MARCHF1: variants seen among roughly 807,000 people sequenced by gnomAD.
MARCHF1 encodes membrane associated ring-CH-type finger 1.
MARCHF1 carries 40 observed loss-of-function variants against 54.2 expected under a neutral mutation model. The ratio of observed to expected loss-of-function variants is 0.74; its 90% CI spans 0.57 to 0.96. MARCHF1 has a LOEUF of 0.96. Among genes scored for constraint, MARCHF1 ranks in the 40% least tolerant of loss-of-function variants. The pLI, the probability that MARCHF1 is intolerant of heterozygous loss-of-function variation, is 0.00. For missense variants in MARCHF1, 586 were observed against 656.5 expected, an observed-to-expected ratio of 0.89 and a Z score of 1.17; for synonymous variants, 236 against 236.3, an observed-to-expected ratio of 1.00 and a Z score of 0.01.
intron 3 of MARCHF1, among the ~76,000 whole-genome samples, chr4:163,857,287 T>C (rs1749795329): frequency 6.6e-6 from 1 of 152,084 alleles, no homozygotes; most frequent in African/African-American, 2.4e-5. Flanking sequence ...CTAAAAATAG[T>C]TGAGATGAGT....
At chr4:164,371,601 A>C (rs1037194656) in intron 1 of MARCHF1, among the ~76,000 whole-genome samples, 1 of 152,224 alleles carries the variant, frequency 6.6e-6, no homozygotes, top group Non-Finnish European at 1.5e-5. Flanking sequence ...AATCTGCAAA[A>C]GAGAAGACTT....
intron 1 of MARCHF1, among the ~76,000 whole-genome samples, chr4:164,237,018 T>A (rs1280707041): frequency 6.6e-6 from 1 of 152,168 alleles, no homozygotes; most frequent in Non-Finnish European, 1.5e-5. Flanking sequence ...TATCTATCAT[T>A]TGGTTCTTCA....
chr4:163,853,005 G>A (rs535514550), intron 4 of MARCHF1, among the ~76,000 whole-genome samples: 3 of 152,062 alleles, frequency 2.0e-5, no homozygotes, highest in Non-Finnish European at 4.4e-5. Flanking sequence ...CACCATCTAT[G>A]AATCAGAAAA....
chr4:164,035,105 TAATA>T (rs1230717101), intron 2 of MARCHF1, among the ~76,000 whole-genome samples: 1 of 152,162 alleles, frequency 6.6e-6, no homozygotes, highest in African/African-American at 2.4e-5. Context: ...ATATTTTAAT[TAATA>T]TTTTTGACCA....
intron 1 of MARCHF1, among the ~76,000 whole-genome samples, chr4:164,371,983 G>C (rs555215505): frequency 1.3e-5 from 2 of 152,178 alleles, no homozygotes; most frequent in African/African-American, 4.8e-5. Context: ...CCTGCAGGCT[G>C]TGCCAGGAGG....
In MARCHF1 at chr4:163,613,388, G is replaced by A. The variant is rs775801557; in HGVS notation, c.168C>T (p.Ser56=). 1 of 1,613,326 alleles carries A rather than the reference G, an allele frequency of 6.2e-7. No individual in the cohort carries two copies. The highest frequency in any genetic ancestry group is 8.5e-7 in the Non-Finnish European group (1 of 1,179,548). The part of the protein sequence containing the change: ...ASRSSNISKA[S]SPTTGTAPRS... ...TGGGAGCTGTCCCTGTTGTTGGGCT[G>A]CTTGCCTGGAGAAACAAGTTAGATA... The change falls in exon 6 of 10, where the codon AGC becomes AGT. Residue 56 remains serine (S), a synonymous_variant. Coordinates refer to ENST00000514618, the MANE Select transcript of MARCHF1 (RefSeq NM_001394959.1).
chr4:164,350,738 A>G (rs1730267855), intron 1 of MARCHF1, among the ~76,000 whole-genome samples: 1 of 152,222 alleles, frequency 6.6e-6, no homozygotes, highest in African/African-American at 2.4e-5. Flanking sequence ...AGCCAGTTCA[A>G]TAGTATTGTT....
At chr4:163,836,875 T>C (rs573795536) in intron 4 of MARCHF1, among the ~76,000 whole-genome samples, 8 of 151,820 alleles carry the variant, frequency 5.3e-5, no homozygotes, top group Admixed American at 5.2e-4. Context: ...ACAGAGTAAC[T>C]GGAGAAAAAT....
intron 2 of MARCHF1, among the ~76,000 whole-genome samples, chr4:164,019,857 G>T (rs1038172277): frequency 1.3e-5 from 2 of 152,196 alleles, no homozygotes; most frequent in Non-Finnish European, 2.9e-5. Context: ...CTAATTGTAA[G>T]GGTGTAGAGT....
intron 1 of MARCHF1, among the ~76,000 whole-genome samples, chr4:164,175,027 G>C (rs1235854377): frequency 6.6e-6 from 1 of 152,280 alleles, no homozygotes; most frequent in Non-Finnish European, 1.5e-5. Context: ...GAGCAGAGCA[G>C]AAAATCCTTA....
At chr4:163,762,088 G>A (rs1046060187) in intron 4 of MARCHF1, among the ~76,000 whole-genome samples, 6 of 152,100 alleles carry the variant, frequency 3.9e-5, no homozygotes, top group Admixed American at 1.3e-4. Flanking sequence ...AGCTAAATGA[G>A]GTAGAATATT....
At chr4:164,192,991 G>A (rs192695668) in intron 1 of MARCHF1, among the ~76,000 whole-genome samples, 14 of 152,216 alleles carry the variant, frequency 9.2e-5, no homozygotes, top group African/African-American at 1.4e-4. Context: ...ATCCCTACCC[G>A]GCTCTTGTTG....
intron 1 of MARCHF1, among the ~76,000 whole-genome samples, chr4:164,375,551 T>G (rs1490482303): frequency 6.6e-6 from 1 of 152,210 alleles, no homozygotes; most frequent in African/African-American, 2.4e-5. Context: ...CAAATGTTCA[T>G]AACTCTTAAT....
At chr4:163,798,280 G>A (rs529764119) in intron 4 of MARCHF1, among the ~76,000 whole-genome samples, 1 of 152,254 alleles carries the variant, frequency 6.6e-6, no homozygotes, top group South Asian at 2.1e-4. Flanking sequence ...GAAGACAACC[G>A]TCTGCAAGCC....
chr4:164,047,640 A>G (rs1461208418), intron 2 of MARCHF1, among the ~76,000 whole-genome samples: 4 of 152,150 alleles, frequency 2.6e-5, no homozygotes, highest in Non-Finnish European at 4.4e-5. Context: ...CTAAACATAC[A>G]TACGTTCTTT....
chr4:163,838,531 C>A (rs1749254368), intron 4 of MARCHF1, among the ~76,000 whole-genome samples: 2 of 151,978 alleles, frequency 1.3e-5, no homozygotes, highest in South Asian at 4.1e-4. Context: ...GATCTAAGTA[C>A]ATTTATCAAG....
chr4:164,259,911 A>C (rs1560978064), intron 1 of MARCHF1, among the ~76,000 whole-genome samples: 4 of 152,272 alleles, frequency 2.6e-5, no homozygotes, highest in Admixed American at 1.3e-4. Context: ...CACAGAGAAA[A>C]ATTCTGGTCT....
chr4:164,146,480 G>C (rs1038003817), intron 1 of MARCHF1, among the ~76,000 whole-genome samples: 1 of 152,108 alleles, frequency 6.6e-6, no homozygotes, highest in Non-Finnish European at 1.5e-5. Context: ...CAGAGATATA[G>C]ATCAATGGAT....
chr4:163,590,509 T>C (rs951544009), intron 7 of MARCHF1, among the ~76,000 whole-genome samples: 6 of 152,266 alleles, frequency 3.9e-5, no homozygotes, highest in African/African-American at 1.4e-4. Context: ...AGGAAATCAT[T>C]CTTAAGATAT....
Sources: allele counts gnomAD v4.1 joint callset (sites outside exome capture counted in the v4.1 genomes callset), GRCh38; gene constraint gnomAD v4.1.1; transcripts MANE v1.5; gene names NCBI Gene and HGNC (gene_info 2026-07-23, HGNC 2026-07-21).